The following METTL23 variants were observed in gnomAD, a reference collection of about 807,000 sequenced individuals.
The protein encoded by METTL23 is histone-arginine methyltransferase METTL23.
METTL23 carries 24 observed loss-of-function variants against 21.2 expected under a neutral mutation model. The ratio of observed to expected loss-of-function variants is 1.13; its 90% CI spans 0.82 to 1.59. The LOEUF (loss-of-function observed/expected upper bound fraction) is 1.59. Ranked by LOEUF, METTL23 falls within the 40% of genes most tolerant of loss-of-function variation. The pLI is 0.00. For missense variants in METTL23, 276 were observed against 221.4 expected (o/e 1.25, Z -1.57); for synonymous variants, 97 against 75.2 (o/e 1.29, Z -1.50).
At chr17:76,731,854 CTA>C (rs1482545576) in intron 2 of METTL23, among the ~76,000 whole-genome samples, 7 of 152,304 alleles carry the variant, frequency 4.6e-5, no homozygotes, top group East Asian at 1.9e-4. Flanking sequence ...CACAATAATT[CTA>C]TCTCTGTGTC....
intron 1 of METTL23, 149 bp from the exon 2 acceptor site, chr17:76,729,541 T>C (rs912147503): frequency 5.0e-6 from 3 of 605,064 alleles, no homozygotes; most frequent in Non-Finnish European, 8.9e-6. Flanking sequence ...TCACATTGCA[T>C]TGCAGTTTTA....
intron 1 of METTL23, among the ~76,000 whole-genome samples, chr17:76,727,853 G>A (rs2077014694): frequency 6.6e-6 from 1 of 152,278 alleles, no homozygotes; most frequent in African/African-American, 2.4e-5. Context: ...GCCTGCCTAA[G>A]TGCTGGGATT....
chr17:76,733,389 T>TGAC lies in METTL23; in HGVS notation c.407+13_407+15dup. The TGAC allele has an allele frequency of 6.2e-7, 1 of 1,612,764 alleles. No homozygotes were observed. On this transcript the variant is annotated intron_variant, in intron 4 of 4. Transcript: ENST00000341249. ...TATCAAGTTAGGAGGCAAGTATGGATGACCCTTACTTTTTATATGTAACTT... is the reference window on the plus strand; with the variant it reads ...TATCAAGTTAGGAGGCAAGTATGGATGACGACCCTTACTTTTTATATGTAACTT...
rs754457298 is a variant in METTL23 at position 76,733,214 on chromosome 17, A to C, written c.321A>C (p.Glu107Asp). The C allele has an allele frequency of 1.9e-6, 3 of 1,613,594 alleles. No individual in the cohort carries two copies. Among genetic ancestry groups the C allele is most frequent in the Non-Finnish European group, 2.5e-6 (3 of 1,179,616 alleles). The change falls in exon 3 of 5, where the codon GAA becomes GAC. Residue 107 changes from glutamate to aspartate, a missense_variant and splice_region_variant. Glu to Asp is a conservative substitution (Grantham distance 45). Transcript: ENST00000341249. ...CATCTGATGTGTTCTTTGAACCAGA[A>C]GGTAAGCTTTTTTGGCTCAATAGTA... is the stretch of plus-strand genomic sequence containing the variant. Reference protein sequence around the residue: ...ILASDVFFEPEDFEDILATIY... With the variant: ...ILASDVFFEPDDFEDILATIY...
upstream of METTL23, chr17:76,726,537 G>T (rs1006926626): frequency 3.3e-6 from 5 of 1,532,062 alleles, no homozygotes; most frequent in African/African-American, 7.1e-5. Context: ...TGACACTAAC[G>T]CACCCCTCCC....
At position 76,731,178 on chromosome 17, in the gene METTL23, G is replaced by C. The variant is rs562177164; in HGVS notation, c.84+1384G>C. On this transcript the variant is annotated intron_variant, in intron 2 of 4. Coordinates refer to ENST00000341249, the MANE Select transcript of METTL23 (RefSeq NM_001080510.5). ...TAGTCCCAGCTACTCAGGAGGCTGA[G>C]GTAGGAGAATCGCCTGAACCCAGGA... Among the ~76,000 whole-genome samples the C allele has an allele frequency of 7.2e-5, 11 of 152,124 alleles. No individual in the cohort carries two copies. In the East Asian group the frequency reaches 2.1e-3, roughly 29 times the overall value.
upstream of METTL23, chr17:76,726,805 G>GCCCCC: frequency 1.3e-5 from 2 of 152,024 alleles, no homozygotes; most frequent in South Asian, 9.5e-5. Context: ...GCCCCGCCCC[G>GCCCCC]CCCCTCCCCT....
chr17:76,726,088 G>A (rs1283748285), upstream of METTL23, among the ~76,000 whole-genome samples: 1 of 152,210 alleles, frequency 6.6e-6, no homozygotes, highest in Non-Finnish European at 1.5e-5. Context: ...AGGAGTCAGG[G>A]ACGACGGGCC....
intron 2 of METTL23, among the ~76,000 whole-genome samples, chr17:76,730,715 C>A (rs2077165564): frequency 6.6e-6 from 1 of 152,246 alleles, no homozygotes; most frequent in African/African-American, 2.4e-5. Flanking sequence ...TGCCTGTAAT[C>A]CCAGCACTTT....
Position 76,733,514 on chromosome 17 carries a change from T to G in METTL23, c.408-7T>G, listed in dbSNP as rs1015870191. 1 of 1,597,984 alleles carries G rather than the reference T, an allele frequency of 6.3e-7. No individual in the cohort carries two copies. The highest frequency in any genetic ancestry group is 8.5e-7 in the Non-Finnish European group (1 of 1,174,804). ...TGACTTTAAAAGAACAACTTTTTTT[T>G]TTTAAGTGCTGACTGGTCACTTGAA... is the stretch of plus-strand genomic sequence containing the variant. On this transcript the variant is annotated splice_region_variant and splice_polypyrimidine_tract_variant and intron_variant, in intron 4 of 4. Transcript: ENST00000341249.
chr17:76,733,419 CT>C (rs767791201), intron 4 of METTL23, 42 bp downstream of exon 4: 1 of 1,605,276 alleles, frequency 6.2e-7, no homozygotes, highest in Non-Finnish European at 8.5e-7. Flanking sequence ...TAACTTAAGC[CT>C]TACTCTACCC....
At chr17:76,726,171 G>A (rs1217239177), upstream of METTL23, among the ~76,000 whole-genome samples, 1 of 152,250 alleles carries the variant, frequency 6.6e-6, no homozygotes, top group Non-Finnish European at 1.5e-5. Flanking sequence ...CAGCACGGGA[G>A]GAAGCAGACC....
chr17:76,728,085 G>A (rs2143789886), intron 1 of METTL23, among the ~76,000 whole-genome samples: 2 of 152,250 alleles, frequency 1.3e-5, no homozygotes, highest in Non-Finnish European at 2.9e-5. Flanking sequence ...ACAAAAAGTA[G>A]AAAAATTAGG....
In METTL23 at chr17:76,727,003, C is replaced by T. The variant is rs1031859781; in HGVS notation, c.-197C>T. On this transcript the variant is annotated 5_prime_UTR_variant, in exon 1 of 5. Transcript: ENST00000341249. ...GCCACGTGGCCCGCGGCTTCCCGCTCGCGCAGTCTGGCAGCCCGGAGCCTT... is the reference window on the plus strand; with the variant it reads ...GCCACGTGGCCCGCGGCTTCCCGCTTGCGCAGTCTGGCAGCCCGGAGCCTT... 1.1e-5 allele frequency: 5 copies of T among 456,212 alleles called. No individual in the cohort carries two copies. Among genetic ancestry groups the T allele is most frequent in the Admixed American group, 2.4e-5 (1 of 42,542 alleles). The allele number at this position is 456,212 out of a possible 1,614,324, so 28.3% of individuals were successfully genotyped here.
Position 76,733,301 on chromosome 17 carries a change from G to C in METTL23, c.331G>C (p.Asp111His). The C allele has an allele frequency of 6.2e-7, 1 of 1,613,888 alleles. No homozygotes were observed. Among genetic ancestry groups the C allele is most frequent in the Non-Finnish European group, 8.5e-7 (1 of 1,179,858 alleles). Residue 111 changes from aspartate (D) to histidine (H), a missense_variant, in exon 4 of 5, where the codon GAC becomes CAC. Coordinates refer to ENST00000341249, the MANE Select transcript of METTL23 (RefSeq NM_001080510.5). ...DVFFEPEDFEDILATIYFLMH... is the reference protein window; with the variant it reads ...DVFFEPEDFEHILATIYFLMH... The stretch of plus-strand genomic sequence containing the variant: ...AAATCCTTTCTCCTCAGATTTTGAA[G>C]ACATTTTGGCTACAATATATTTTTT...
upstream of METTL23, chr17:76,726,700 G>A (rs2076948581): frequency 1.7e-6 from 1 of 585,344 alleles, no homozygotes; most frequent in East Asian, 3.2e-5. Context: ...CGCCTCTCGC[G>A]GTTTTCCATT....
chr17:76,726,339 C>T, upstream of METTL23: 2 of 1,571,488 alleles, frequency 1.3e-6, no homozygotes, highest in Non-Finnish European at 8.6e-7. Flanking sequence ...CCCGCCCGAC[C>T]CGCTCACCGC....
Position 76,733,521 on chromosome 17 carries a change from T to A in METTL23, c.408T>A (p.Ser136Arg), listed in dbSNP as rs2077335075. ...AAAAGAACAACTTTTTTTTTTTAAGTGCTGACTGGTCACTTGAAGCTTTAC... is the reference window on the plus strand; with the variant it reads ...AAAAGAACAACTTTTTTTTTTTAAGAGCTGACTGGTCACTTGAAGCTTTAC... Reference protein sequence around the residue: ...VQLWSTYQVRSADWSLEALLY... With the variant: ...VQLWSTYQVRRADWSLEALLY... Residue 136 changes from serine to arginine, a missense_variant and splice_region_variant, in exon 5 of 5, where the codon AGT (serine) becomes AGA (arginine). Coordinates refer to ENST00000341249, the MANE Select transcript of METTL23 (RefSeq NM_001080510.5). The A allele has an allele frequency of 6.2e-7, 1 of 1,607,640 alleles. No homozygotes were observed. Among genetic ancestry groups the A allele is most frequent in the East Asian group, 2.2e-5 (1 of 44,852 alleles).
intron 1 of METTL23, among the ~76,000 whole-genome samples, chr17:76,728,989 C>T (rs938519845): frequency 1.3e-4 from 19 of 151,138 alleles, no homozygotes; most frequent in East Asian, 2.0e-4. Flanking sequence ...GGAGTAGAGA[C>T]GGGGTTTCAC....
Sources: gnomAD v4.1 joint callset for allele counts (sites outside exome capture counted in the v4.1 genomes callset) on GRCh38, gnomAD v4.1.1 for gene constraint, MANE v1.5 for transcripts, NCBI Gene and HGNC (gene_info 2026-07-23, HGNC 2026-07-21) for gene names.